HLCS: variants seen among roughly 807,000 people sequenced by gnomAD.
HLCS encodes the protein holocarboxylase synthetase.
In HLCS, 53 loss-of-function variants were observed where a neutral mutation model predicts 75.0. The ratio of observed to expected loss-of-function variants is 0.71; its 90% CI spans 0.57 to 0.89. The LOEUF (loss-of-function observed/expected upper bound fraction) is 0.89. HLCS is among the 40% of genes least tolerant of loss of function. The pLI, the probability that HLCS is intolerant of heterozygous loss-of-function variation, is 0.00. For missense variants in HLCS, 966 were observed against 1,074.0 expected (o/e 0.90, Z 1.41); for synonymous variants, 431 against 428.6 (o/e 1.01, Z -0.07).
In HLCS at chr21:36,899,878, C is replaced by T. The variant is rs368553307; in HGVS notation, c.1621-2747G>A. Among the ~76,000 whole-genome samples the T allele has an allele frequency of 2.9e-4, 44 of 152,186 alleles. No individual in the cohort carries two copies. The South Asian group carries it at 7.0e-3, about 24-fold the overall frequency. On this transcript the variant is annotated intron_variant, in intron 5 of 10. Transcript: ENST00000674895. Reference sequence around the variant, plus strand: ...CAGCACTTTGAGAGGCTAAGGAAGGCGGATCACTCGAGGTCAGGAGTTTGA... The same window carrying T: ...CAGCACTTTGAGAGGCTAAGGAAGGTGGATCACTCGAGGTCAGGAGTTTGA...
chr21:36,981,280 G>A (rs1429874217), intron 1 of HLCS, among the ~76,000 whole-genome samples: 3 of 152,130 alleles, frequency 2.0e-5, no homozygotes, highest in Non-Finnish European at 4.4e-5. Context: ...TGATGAAGGA[G>A]GTGCAATGTA....
Position 36,937,340 on chromosome 21 carries a change from G to A in HLCS, c.546C>T (p.Asn182=), listed in dbSNP as rs1392505625. ...TCGGCTCTAGGATCTGGGCTTGCTT[G>A]TTTGAGACCTGATCCTTAACTTCCT... is the stretch of plus-strand genomic sequence containing the variant. The part of the protein sequence containing the change: ...TLKEVKDQVS[N]KQAQILEPKP... Residue 182 remains asparagine, a synonymous_variant, in exon 4 of 11, where the codon AAC becomes AAT. Transcript: ENST00000674895. The A allele has an allele frequency of 2.5e-6, 4 of 1,614,092 alleles. No individual in the cohort carries two copies.
intron 5 of HLCS, among the ~76,000 whole-genome samples, chr21:36,902,195 G>C (rs1452096756): frequency 1.3e-5 from 2 of 152,190 alleles, no homozygotes; most frequent in African/African-American, 2.4e-5. Flanking sequence ...CTGGCAAAGG[G>C]TCTCCTTTAA....
At chr21:36,885,773 C>A (rs1331169695) in intron 6 of HLCS, among the ~76,000 whole-genome samples, 3 of 152,080 alleles carry the variant, frequency 2.0e-5, no homozygotes, top group Non-Finnish European at 2.9e-5. Flanking sequence ...CCCATGGGTC[C>A]CAGAGCCTCA....
chr21:36,779,811 C>G (rs2060473636), intron 6 of HLCS, among the ~76,000 whole-genome samples: 1 of 152,082 alleles, frequency 6.6e-6, no homozygotes, highest in African/African-American at 2.4e-5. Flanking sequence ...CACACCCAAA[C>G]CCCACCAATC....
chr21:36,762,524 G>A (rs1359152411), intron 8 of HLCS, among the ~76,000 whole-genome samples: 1 of 152,200 alleles, frequency 6.6e-6, no homozygotes, highest in Admixed American at 6.5e-5. Flanking sequence ...TGTGCTGACG[G>A]TGACATCTGG....
intron 6 of HLCS, among the ~76,000 whole-genome samples, chr21:36,859,909 C>T (rs1370629885): frequency 6.6e-6 from 1 of 152,210 alleles, no homozygotes; most frequent in Non-Finnish European, 1.5e-5. Context: ...TAATCAATTA[C>T]ACCACTGGAG....
chr21:36,867,465 A>T (rs2146213018), intron 6 of HLCS, among the ~76,000 whole-genome samples: 1 of 152,318 alleles, frequency 6.6e-6, no homozygotes, highest in Non-Finnish European at 1.5e-5. Context: ...TTTGGCTGCA[A>T]AGTGCATCTC....
At position 36,754,211 on chromosome 21, in the gene HLCS, A is replaced by T; in HGVS notation, c.*35T>A. On this transcript the variant is annotated 3_prime_UTR_variant, in exon 11 of 11. Coordinates refer to ENST00000674895, the MANE Select transcript of HLCS (RefSeq NM_001352514.2). ...AAATTAGATTTCCAGATGCATGGGCACGGACAGGCAGCCGCGTCTCGGGGA... is the reference window on the plus strand; with the variant it reads ...AAATTAGATTTCCAGATGCATGGGCTCGGACAGGCAGCCGCGTCTCGGGGA... 1 of 1,609,010 alleles carries T rather than the reference A, an allele frequency of 6.2e-7. No individual in the cohort carries two copies. Among genetic ancestry groups the T allele is most frequent in the Non-Finnish European group, 8.5e-7 (1 of 1,176,410 alleles).
intron 6 of HLCS, among the ~76,000 whole-genome samples, chr21:36,779,022 G>T (rs1052294606): frequency 2.0e-5 from 3 of 151,834 alleles, no homozygotes; most frequent in Non-Finnish European, 4.4e-5. Context: ...CTAAGAAAGA[G>T]ATAGAAAATG....
chr21:36,930,865 G>A (rs748046004), intron 4 of HLCS, among the ~76,000 whole-genome samples: 18 of 152,190 alleles, frequency 1.2e-4, no homozygotes, highest in Non-Finnish European at 1.9e-4. Flanking sequence ...CTCAAATTTT[G>A]GTTGTCAGGC....
chr21:36,929,572 G>A (rs1320434074), intron 5 of HLCS, among the ~76,000 whole-genome samples: 1 of 152,244 alleles, frequency 6.6e-6, no homozygotes, highest in Non-Finnish European at 1.5e-5. Context: ...TTGGGTGTTT[G>A]CAGAAACTAC....
intron 5 of HLCS, among the ~76,000 whole-genome samples, chr21:36,901,358 T>C (rs529233138): frequency 2.0e-5 from 3 of 152,248 alleles, no homozygotes; most frequent in East Asian, 1.9e-4. Flanking sequence ...AATTTGAGAA[T>C]TGTCAGACTA....
chr21:36,936,468 C>T lies in HLCS; in HGVS notation c.1418G>A (p.Gly473Glu), dbSNP rs745419121. The change falls in exon 4 of 11, where the codon GGA becomes GAA. Residue 473 changes from glycine to glutamate, a missense_variant. Physicochemically the swap from Gly to Glu is moderately conservative, Grantham distance 98. Transcript: ENST00000674895. Reference sequence around the variant, plus strand: ...GAGTACCTGGCAAAGAACAGCTTCTCCCCCGCGAGTTCCAAAAGGCACATG... The same window carrying T: ...GAGTACCTGGCAAAGAACAGCTTCTTCCCCGCGAGTTCCAAAAGGCACATG... Reference protein sequence around the residue: ...IVHVPFGTRGGEAVLCQVHLE... With the variant: ...IVHVPFGTRGEEAVLCQVHLE... 9 of 1,614,092 alleles carry T rather than the reference C, an allele frequency of 5.6e-6. No homozygotes were observed. Among genetic ancestry groups the T allele is most frequent in the Non-Finnish European group, 6.8e-6 (8 of 1,179,898 alleles).
At chr21:36,931,283 C>CAAA (rs57829948) in intron 4 of HLCS, among the ~76,000 whole-genome samples, 99 of 75,394 alleles carry the variant, frequency 1.3e-3, no homozygotes, top group East Asian at 3.8e-3. Flanking sequence ...AACTCCATCG[C>CAAA]AAAAAAAAAA....
intron 6 of HLCS, among the ~76,000 whole-genome samples, chr21:36,835,943 T>C (rs945454688): frequency 3.3e-5 from 5 of 151,842 alleles, no homozygotes; most frequent in Non-Finnish European, 4.4e-5. Flanking sequence ...GTCCCCTGGC[T>C]TAGAGTGGCC....
At chr21:36,776,937 T>C (rs1023283386) in intron 6 of HLCS, among the ~76,000 whole-genome samples, 4 of 152,262 alleles carry the variant, frequency 2.6e-5, no homozygotes, top group Non-Finnish European at 5.9e-5. Flanking sequence ...ACTAATAGGC[T>C]TTTTTATTTT....
chr21:36,765,175 G>A lies in HLCS; in HGVS notation c.1961-3C>T, dbSNP rs1342155400. The A allele has an allele frequency of 6.2e-7, 1 of 1,614,064 alleles. No homozygotes were observed. Among genetic ancestry groups the A allele is most frequent in the Non-Finnish European group, 8.5e-7 (1 of 1,180,012 alleles). ...CAGCCACACATTCCCTCCCCGTCCT[G>A]GAACACAGGCCACAGTGGGAAACAT... On this transcript the variant is annotated splice_polypyrimidine_tract_variant and splice_region_variant and intron_variant, in intron 7 of 10. Transcript: ENST00000674895.
chr21:36,960,265 A>G (rs1412543643), intron 2 of HLCS, among the ~76,000 whole-genome samples: 1 of 151,948 alleles, frequency 6.6e-6, no homozygotes, highest in African/African-American at 2.4e-5. Flanking sequence ...AGTGGGTGGA[A>G]TAAGACCAGT....
Sources: allele counts gnomAD v4.1 joint callset (sites outside exome capture counted in the v4.1 genomes callset), GRCh38; gene constraint gnomAD v4.1.1; transcripts MANE v1.5; gene names NCBI Gene and HGNC (gene_info 2026-07-23, HGNC 2026-07-21).